Variants in R3HCC1L observed in about 807,000 individuals in gnomAD.
R3HCC1L encodes R3H domain and coiled-coil containing 1 like, also known as coiled-coil domain-containing protein R3HCC1L.
In R3HCC1L, 51 loss-of-function variants were observed where a neutral mutation model predicts 59.9. The ratio of observed to expected loss-of-function variants is 0.85; its 90% CI spans 0.68 to 1.07. The LOEUF (loss-of-function observed/expected upper bound fraction) is 1.07, where lower values mean the gene tolerates loss of function less well. R3HCC1L is among the 50% of genes least tolerant of loss of function. R3HCC1L has a pLI of 0.00. For synonymous variants in R3HCC1L, 322 were observed against 315.2 expected (o/e 1.02, Z -0.23); for missense variants, 965 against 933.0 (o/e 1.03, Z -0.45).
chr10:98,152,646 C>T (rs1232243206), intron 1 of R3HCC1L, among the ~76,000 whole-genome samples: 3 of 125,516 alleles, frequency 2.4e-5, no homozygotes, highest in Non-Finnish European at 3.6e-5. Context: ...CCCGCCACCC[C>T]GTCTGGGATG....
intron 6 of R3HCC1L, 50 bp downstream of exon 6, chr10:98,231,737 T>C: frequency 6.9e-7 from 1 of 1,459,374 alleles, no homozygotes; most frequent in Non-Finnish European, 9.2e-7. Context: ...ATGAAGTCTT[T>C]AAAAAATGTT....
intron 1 of R3HCC1L, among the ~76,000 whole-genome samples, chr10:98,137,949 C>G (rs1844756841): frequency 6.6e-6 from 1 of 151,170 alleles, no homozygotes; most frequent in South Asian, 2.1e-4. Context: ...TGGATAGGGT[C>G]TGGGAGACTT....
intron 5 of R3HCC1L, among the ~76,000 whole-genome samples, chr10:98,217,920 G>C (rs1854405635): frequency 6.6e-6 from 1 of 151,844 alleles, no homozygotes; most frequent in African/African-American, 2.4e-5. Flanking sequence ...TTTTTTGGTG[G>C]AGTCATTAGA....
chr10:98,204,412 AAGAG>A (rs750099275), intron 4 of R3HCC1L, among the ~76,000 whole-genome samples: 52 of 152,248 alleles, frequency 3.4e-4, no homozygotes, highest in Middle Eastern at 3.4e-3. Context: ...TCAAAAAAAA[AAGAG>A]AGAGAGAGAA....
chr10:98,183,238 A>G (rs569992199), intron 4 of R3HCC1L, among the ~76,000 whole-genome samples: 2 of 151,674 alleles, frequency 1.3e-5, no homozygotes, highest in South Asian at 2.1e-4. Context: ...ATGGATATAG[A>G]TTTCTGCATT....
intron 9 of R3HCC1L, among the ~76,000 whole-genome samples, chr10:98,236,932 A>G (rs536343463): frequency 1.2e-4 from 19 of 152,332 alleles, no homozygotes; most frequent in Non-Finnish European, 2.6e-4. Flanking sequence ...AAGGCAATTT[A>G]TTCTGAAAAT....
chr10:98,244,110 C>G lies in R3HCC1L; in HGVS notation c.2289C>G (p.Ala763=). Reference sequence around the variant, plus strand: ...TTACAGAGAGAAAGCGGTTGGAAGCCAAGCAACGGGAAGACATCTGGGAAG... The same window carrying G: ...TTACAGAGAGAAAGCGGTTGGAAGCGAAGCAACGGGAAGACATCTGGGAAG... ...QEARERKRLE[A]KQREDIWEGR... The change falls in exon 10 of 10, where the codon GCC becomes GCG. Residue 763 remains alanine (A), a synonymous_variant. Coordinates refer to ENST00000298999, the MANE Select transcript of R3HCC1L (RefSeq NM_001351015.2). 1 of 1,613,940 alleles carries G rather than the reference C, an allele frequency of 6.2e-7. No individual in the cohort carries two copies. The highest frequency in any genetic ancestry group is 1.1e-5 in the South Asian group (1 of 91,074).
intron 4 of R3HCC1L, among the ~76,000 whole-genome samples, chr10:98,186,119 A>G (rs999704992): frequency 6.6e-6 from 1 of 152,240 alleles, no homozygotes; most frequent in African/African-American, 2.4e-5. Context: ...GAGGGAGAGT[A>G]GAAGAAAGGA....
intron 2 of R3HCC1L, among the ~76,000 whole-genome samples, chr10:98,157,127 A>G (rs547568013): frequency 5.9e-5 from 9 of 152,298 alleles, no homozygotes; most frequent in African/African-American, 1.7e-4. Context: ...TCTTAAGCCA[A>G]TGTGAACCCT....
intron 2 of R3HCC1L, among the ~76,000 whole-genome samples, chr10:98,160,801 C>T (rs1847342794): frequency 6.6e-6 from 1 of 152,146 alleles, no homozygotes. Flanking sequence ...CTAACCTGAC[C>T]TCTGTAGGTT....
intron 1 of R3HCC1L, among the ~76,000 whole-genome samples, chr10:98,151,588 A>G (rs917085529): frequency 6.6e-6 from 1 of 152,204 alleles, no homozygotes; most frequent in Admixed American, 6.5e-5. Context: ...TAGTGGAATG[A>G]TAGGCAGCTG....
At chr10:98,217,275 G>A (rs1854315196) in intron 5 of R3HCC1L, among the ~76,000 whole-genome samples, 1 of 152,038 alleles carries the variant, frequency 6.6e-6, no homozygotes, top group Non-Finnish European at 1.5e-5. Flanking sequence ...TATTGAAGAG[G>A]GCGTGCTTTC....
At chr10:98,183,002 G>C (rs959097239) in intron 4 of R3HCC1L, among the ~76,000 whole-genome samples, 1 of 152,174 alleles carries the variant, frequency 6.6e-6, no homozygotes, top group Non-Finnish European at 1.5e-5. Context: ...TCCTGGGTAA[G>C]GTGATGCCCC....
At chr10:98,196,402 G>A (rs1455907455) in intron 4 of R3HCC1L, among the ~76,000 whole-genome samples, 1 of 151,924 alleles carries the variant, frequency 6.6e-6, no homozygotes, top group Non-Finnish European at 1.5e-5. Context: ...TTCTCAGTTC[G>A]TCCTACTTGA....
At chr10:98,158,143 A>G (rs542996332) in intron 2 of R3HCC1L, among the ~76,000 whole-genome samples, 3 of 152,330 alleles carry the variant, frequency 2.0e-5, no homozygotes, top group African/African-American at 7.2e-5. Context: ...AGAGCTGCCC[A>G]CTATTAACAG....
chr10:98,192,154 A>G (rs1348368339), intron 4 of R3HCC1L, among the ~76,000 whole-genome samples: 7 of 152,040 alleles, frequency 4.6e-5, no homozygotes, highest in Admixed American at 4.6e-4. Context: ...ACATATGTGT[A>G]TGAGTCTGTT....
intron 5 of R3HCC1L, among the ~76,000 whole-genome samples, chr10:98,225,873 C>T (rs373082794): frequency 3.9e-5 from 6 of 151,942 alleles, no homozygotes; most frequent in African/African-American, 1.5e-4. Flanking sequence ...AAAGTCTTGG[C>T]TCGGTAACCC....
At chr10:98,154,532 A>G (rs564186858) in intron 1 of R3HCC1L, among the ~76,000 whole-genome samples, 20 of 152,320 alleles carry the variant, frequency 1.3e-4, no homozygotes, top group Admixed American at 1.0e-3. Flanking sequence ...TTGTAGCATT[A>G]TAGATTTTGG....
chr10:98,220,533 C>A, intron 5 of R3HCC1L, among the ~76,000 whole-genome samples: 1 of 115,342 alleles, frequency 8.7e-6, no homozygotes, highest in Non-Finnish European at 1.7e-5. Flanking sequence ...TATCCCTCCC[C>A]CCACCCCACA....
Sources: gnomAD v4.1 joint callset for allele counts (sites outside exome capture counted in the v4.1 genomes callset) on GRCh38, gnomAD v4.1.1 for gene constraint, MANE v1.5 for transcripts, NCBI Gene and HGNC (gene_info 2026-07-23, HGNC 2026-07-21) for gene names.